The following CDH10 variants were observed in gnomAD, a reference collection of about 807,000 sequenced individuals.
The protein encoded by CDH10 is cadherin 10, also known as cadherin-10.
In CDH10, 30 loss-of-function variants were observed where a neutral mutation model predicts 73.1. The observed-to-expected ratio is 0.41, with a 90% CI of 0.31 to 0.56. The LOEUF (loss-of-function observed/expected upper bound fraction) is 0.56, where lower values mean the gene tolerates loss of function less well. Ranked by LOEUF, CDH10 falls within the 20% of genes least tolerant of loss-of-function variation. The pLI is 0.27. For synonymous variants in CDH10, 345 were observed against 348.2 expected, an observed-to-expected ratio of 0.99 and a Z score of 0.10; for missense variants, 815 against 973.7, an observed-to-expected ratio of 0.84 and a Z score of 2.17.
At chr5:24,588,079 TATGATCTTTACATATTAG>T (rs1245379508) in intron 2 of CDH10, among the ~76,000 whole-genome samples, 5 of 152,192 alleles carry the variant, frequency 3.3e-5, no homozygotes, top group Non-Finnish European at 2.9e-5. Context: ...TGCATGTGTG[TATGATCTTTACATATTAG>T]AGAAGTAATG....
chr5:24,590,680 G>C (rs1283523619), intron 2 of CDH10, among the ~76,000 whole-genome samples: 5 of 151,948 alleles, frequency 3.3e-5, no homozygotes, highest in Admixed American at 2.6e-4. Flanking sequence ...CTAGGGTCTG[G>C]TTAGCTAATT....
At chr5:24,561,678 T>G (rs889664683) in intron 2 of CDH10, among the ~76,000 whole-genome samples, 8 of 152,134 alleles carry the variant, frequency 5.3e-5, no homozygotes, top group African/African-American at 1.9e-4. Flanking sequence ...TAAGATTAAA[T>G]GCAGATTATT....
chr5:24,600,897 G>A (rs1746538267), intron 1 of CDH10, among the ~76,000 whole-genome samples: 1 of 152,070 alleles, frequency 6.6e-6, no homozygotes, highest in Non-Finnish European at 1.5e-5. Flanking sequence ...GTTCAAAGCA[G>A]CTAATCCTTT....
chr5:24,530,570 C>T (rs1339195951), intron 5 of CDH10, among the ~76,000 whole-genome samples: 1 of 151,892 alleles, frequency 6.6e-6, no homozygotes, highest in African/African-American at 2.4e-5. Flanking sequence ...TTTTCTAACA[C>T]TAGCAAAATG....
intron 1 of CDH10, among the ~76,000 whole-genome samples, chr5:24,629,192 T>C (rs990348380): frequency 6.6e-6 from 1 of 152,192 alleles, no homozygotes; most frequent in African/African-American, 2.4e-5. Flanking sequence ...CTTTAAGGAA[T>C]AAATACTTGT....
chr5:24,526,586 G>A (rs1434747060), intron 5 of CDH10, among the ~76,000 whole-genome samples: 1 of 151,714 alleles, frequency 6.6e-6, no homozygotes, highest in African/African-American at 2.4e-5. Context: ...AAGCTTGAAA[G>A]TATCTTTTCA....
intron 2 of CDH10, among the ~76,000 whole-genome samples, chr5:24,565,432 A>G (rs1745132959): frequency 6.6e-6 from 1 of 152,214 alleles, no homozygotes; most frequent in African/African-American, 2.4e-5. Flanking sequence ...CACTGATGAT[A>G]AATGTAACAG....
At chr5:24,554,104 A>AG (rs1744666547) in intron 2 of CDH10, 1 of 38,586 alleles carries the variant, frequency 2.6e-5, no homozygotes, top group Non-Finnish European at 5.4e-5. Flanking sequence ...AGAGAAGGGG[A>AG]GGTGGGCGGG....
chr5:24,487,751 T>C lies in CDH10; in HGVS notation c.2279A>G (p.Gln760Arg). ...CCATTCTCGGAGGTAATCGTAGTTT[T>C]GGTCTCCTTCAGTAGTACCTGATTC... ...SLESGTTEGD[Q>R]NYDYLREWGP... Residue 760 changes from glutamine to arginine, a missense_variant, in exon 12 of 12, where the codon CAA (glutamine) becomes CGA (arginine). Physicochemically the swap from Gln to Arg is conservative, Grantham distance 43. Around this residue, in one of 3 missense-constraint regions of CDH10, gnomAD observed 241 missense variants for 240.3 expected, o/e 1.00. Coordinates refer to ENST00000264463, the MANE Select transcript of CDH10 (RefSeq NM_006727.5). 1.2e-6 allele frequency: 2 copies of C among 1,613,988 alleles called. No homozygotes were observed. The highest frequency in any genetic ancestry group is 1.7e-6 in the Non-Finnish European group (2 of 1,179,948).
chr5:24,569,652 T>C lies in CDH10; in HGVS notation c.231+23608A>G, dbSNP rs1164440775. On this transcript the variant is annotated intron_variant, in intron 2 of 11. Transcript: ENST00000264463. The stretch of plus-strand genomic sequence containing the variant: ...CTTTTTCTTCAAAATAATTTATTTT[T>C]AAAATAAAATTTTAGCAGATAACAT... Among the ~76,000 whole-genome samples the C allele has an allele frequency of 3.9e-5, 6 of 152,288 alleles. No homozygotes were observed. In the East Asian group the frequency reaches 9.6e-4, roughly 24 times the overall value.
intron 1 of CDH10, among the ~76,000 whole-genome samples, chr5:24,597,091 T>C (rs544426760): frequency 1.1e-3 from 170 of 152,178 alleles, no homozygotes; most frequent in African/African-American, 3.8e-3. Flanking sequence ...TACATTTCTT[T>C]ATTTTAATAT....
chr5:24,528,945 G>A (rs1289700000), intron 5 of CDH10, among the ~76,000 whole-genome samples: 2 of 151,878 alleles, frequency 1.3e-5, no homozygotes, highest in East Asian at 1.9e-4. Flanking sequence ...CTAATGAAAA[G>A]GGGTAGATTT....
intron 2 of CDH10, among the ~76,000 whole-genome samples, chr5:24,571,518 C>T (rs1745379613): frequency 6.6e-6 from 1 of 151,976 alleles, no homozygotes; most frequent in Non-Finnish European, 1.5e-5. Context: ...AATGTAAGAA[C>T]AACAAAGCAA....
At chr5:24,572,297 C>A (rs1362300454) in intron 2 of CDH10, among the ~76,000 whole-genome samples, 2 of 152,074 alleles carry the variant, frequency 1.3e-5, no homozygotes, top group Non-Finnish European at 2.9e-5. Flanking sequence ...TAGCAATGCA[C>A]AGAGAGAATT....
intron 2 of CDH10, among the ~76,000 whole-genome samples, chr5:24,541,302 C>T (rs1433350915): frequency 1.3e-5 from 2 of 151,970 alleles, no homozygotes; most frequent in African/African-American, 4.8e-5. Context: ...TTAATTATCT[C>T]TTATTCTGCA....
Position 24,487,549 on chromosome 5 carries a change from GA to G in CDH10, c.*113del, listed in dbSNP as rs554058970. ...AATGAACAAATTAAGAAGTAAATGA[GA>G]AAAAAAATTGTGCTGACTGGCAGGA... is the stretch of plus-strand genomic sequence containing the variant. On this transcript the variant is annotated 3_prime_UTR_variant, in exon 12 of 12. Coordinates refer to ENST00000264463, the MANE Select transcript of CDH10 (RefSeq NM_006727.5). 35 of 981,446 alleles carry G rather than the reference GA, an allele frequency of 3.6e-5. No individual in the cohort carries two copies. The highest frequency in any genetic ancestry group is 9.9e-5 in the South Asian group (6 of 60,770). 60.8% of individuals were successfully genotyped at this position (981,446 alleles called of 1,614,324 possible). A position where few individuals can be genotyped will look rare whatever the true frequency, so the allele number is the denominator to read the frequency against.
In CDH10 at chr5:24,505,160, G is replaced by T. The variant is rs1338227500; in HGVS notation, c.1345C>A (p.Arg449Ser). ...GSLYTSKPLDRELSQWHNLTV... is the reference protein window; with the variant it reads ...GSLYTSKPLDSELSQWHNLTV... ...AGATTATGCCACTGAGATAGTTCAC[G>T]GTCAAGAGGTTTTGATGTATAAAGA... is the stretch of plus-strand genomic sequence containing the variant. The change falls in exon 8 of 12, where the codon CGT (arginine) becomes AGT (serine). Residue 449 changes from arginine (R) to serine (S), a missense_variant. Physicochemically the swap from Arg to Ser is moderately radical, Grantham distance 110. Coordinates refer to ENST00000264463, the MANE Select transcript of CDH10 (RefSeq NM_006727.5). The T allele has an allele frequency of 6.2e-7, 1 of 1,612,144 alleles. No individual in the cohort carries two copies. The highest frequency in any genetic ancestry group is 8.5e-7 in the Non-Finnish European group (1 of 1,178,494).
At chr5:24,605,968 T>C (rs2112130835) in intron 1 of CDH10, among the ~76,000 whole-genome samples, 1 of 152,306 alleles carries the variant, frequency 6.6e-6, no homozygotes, top group Non-Finnish European at 1.5e-5. Context: ...TAAGCCAGCC[T>C]CAAAATCATA....
In CDH10 at chr5:24,638,372, G is replaced by C. The variant is rs559462261; in HGVS notation, c.-124+6222C>G. Among the ~76,000 whole-genome samples, 31 of 151,662 alleles carry C rather than the reference G, an allele frequency of 2.0e-4. No homozygotes were observed. In the South Asian group the frequency reaches 2.5e-3, roughly 12 times the overall value. ...TTTTAATTGCATACAGCAAGAAGGG[G>C]GGGAAGTCACTTCTTTAGTGTAGAA... On this transcript the variant is annotated intron_variant, in intron 1 of 11. Transcript: ENST00000264463.
Sources: allele counts gnomAD v4.1 joint callset (sites outside exome capture counted in the v4.1 genomes callset), GRCh38; gene constraint gnomAD v4.1.1; regional missense constraint gnomAD v4.1.1; transcripts MANE v1.5; gene names NCBI Gene and HGNC (gene_info 2026-07-23, HGNC 2026-07-21).